WARS1: variants seen among roughly 807,000 people sequenced by gnomAD.
The protein encoded by WARS1 is tryptophanyl-tRNA synthetase 1, also known as tryptophan--tRNA ligase, cytoplasmic.
A neutral mutation model predicts 47.8 loss-of-function variants in WARS1; 17 were observed. The ratio of observed to expected loss-of-function variants is 0.36; its 90% CI spans 0.24 to 0.53. The LOEUF (loss-of-function observed/expected upper bound fraction) is 0.53, where lower values mean the gene tolerates loss of function less well. Ranked by LOEUF, WARS1 falls within the 20% of genes least tolerant of loss-of-function variation. The pLI, the probability that WARS1 is intolerant of heterozygous loss-of-function variation, is 0.91. For missense variants in WARS1, 434 were observed against 608.0 expected (o/e 0.71, Z 3.01); for synonymous variants, 208 against 228.1 (o/e 0.91, Z 0.79).
At chr14:100,368,338 C>T (rs993600741) in intron 2 of WARS1, 13 of 432,820 alleles carry the variant, frequency 3.0e-5, no homozygotes, top group South Asian at 2.1e-4. Flanking sequence ...ACGTCTATTT[C>T]CATGGTCATA....
At chr14:100,369,844 A>C (rs1896234707) in intron 1 of WARS1, among the ~76,000 whole-genome samples, 1 of 151,912 alleles carries the variant, frequency 6.6e-6, no homozygotes, top group African/African-American at 2.4e-5. Context: ...TTGTATTTTT[A>C]GTAGAGGGAG....
In WARS1 at chr14:100,334,835, T is replaced by C; in HGVS notation, c.*40A>G. The C allele has an allele frequency of 6.2e-7, 1 of 1,605,738 alleles. No homozygotes were observed. Among genetic ancestry groups the C allele is most frequent in the Non-Finnish European group, 8.5e-7 (1 of 1,174,474 alleles). On this transcript the variant is annotated 3_prime_UTR_variant, in exon 11 of 11. Transcript: ENST00000392882. ...TGGGCTGGGATTATTGATACATTAC[T>C]GATACATCACTTCTTTTATAAGCAT...
Position 100,344,207 on chromosome 14 carries a change from C to G in WARS1, c.827-820G>C, listed in dbSNP as rs893830478. Among the ~76,000 whole-genome samples, 12 of 152,228 alleles carry G rather than the reference C, an allele frequency of 7.9e-5. No homozygotes were observed. The South Asian group carries it at 8.3e-4, about 11-fold the overall frequency. On this transcript the variant is annotated intron_variant, in intron 7 of 10. Coordinates refer to ENST00000392882, the MANE Select transcript of WARS1 (RefSeq NM_004184.4). ...GCCTCATTCTCCTGCCTCAGCCTGC[C>G]GAGTGCCTGCAATTGCAGGCGCGCG...
intron 7 of WARS1, among the ~76,000 whole-genome samples, chr14:100,343,921 C>T (rs931442632): frequency 6.6e-6 from 1 of 152,210 alleles, no homozygotes; most frequent in Non-Finnish European, 1.5e-5. Context: ...GCGTGAGCCA[C>T]GGCGCCCGGC....
chr14:100,344,994 G>GA (rs1346173139), intron 7 of WARS1, among the ~76,000 whole-genome samples: 8 of 151,420 alleles, frequency 5.3e-5, no homozygotes, highest in Non-Finnish European at 1.2e-4. Flanking sequence ...GTCCGGGAGG[G>GA]AAGTGGGGGG....
At chr14:100,341,659 A>C (rs373585361) in intron 9 of WARS1, among the ~76,000 whole-genome samples, 16 of 152,362 alleles carry the variant, frequency 1.1e-4, no homozygotes, top group East Asian at 7.7e-4. Context: ...ATGCAAAATA[A>C]GGAAGCTCAA....
At chr14:100,353,617 T>C in intron 6 of WARS1, 70 bp downstream of exon 6, 1 of 1,545,566 alleles carries the variant, frequency 6.5e-7, no homozygotes, top group Non-Finnish European at 8.8e-7. Context: ...GTTTCGAATT[T>C]AGCTGTGGTC....
chr14:100,371,447 C>CAAAAAAAAAAAAAAA lies in WARS1; in HGVS notation c.-73-2204_-73-2190dup, dbSNP rs60977618. Among the ~76,000 whole-genome samples the CAAAAAAAAAAAAAAA allele has an allele frequency of 7.9e-4, 70 of 89,112 alleles. 1 individual carries two copies. The highest frequency in any genetic ancestry group is 1.6e-3 in the Non-Finnish European group (57 of 34,690). 58.5% of individuals were successfully genotyped at this position (89,112 alleles called of 152,430 possible). ...CCTGGGTGACAGAAAGGTTCTGTCTCAAAAAAAAAAAAAAAAAAAAGTAGG... is the reference window on the plus strand; with the variant it reads ...CCTGGGTGACAGAAAGGTTCTGTCTCAAAAAAAAAAAAAAAAAAAAAAAAAAAAAAAAAAAGTAGG... On this transcript the variant is annotated intron_variant, in intron 1 of 10. Transcript: ENST00000392882.
At chr14:100,344,207 C>T (rs893830478) in intron 7 of WARS1, among the ~76,000 whole-genome samples, 33 of 152,228 alleles carry the variant, frequency 2.2e-4, no homozygotes, top group African/African-American at 5.1e-4. Context: ...CTCAGCCTGC[C>T]GAGTGCCTGC....
At chr14:100,376,243 T>C (rs1896654326), upstream of WARS1, 1 of 468,810 alleles carries the variant, frequency 2.1e-6, no homozygotes, top group Admixed American at 4.8e-5. Flanking sequence ...CGCCCCGGCC[T>C]TACTCCCCTC....
chr14:100,372,641 A>T (rs1010774343), intron 1 of WARS1, among the ~76,000 whole-genome samples: 1 of 152,244 alleles, frequency 6.6e-6, no homozygotes, highest in Non-Finnish European at 1.5e-5. Flanking sequence ...TCCATATCAA[A>T]TAACGATCAA....
intron 2 of WARS1, among the ~76,000 whole-genome samples, chr14:100,362,594 T>C (rs572610048): frequency 6.6e-6 from 1 of 152,034 alleles, no homozygotes; most frequent in Non-Finnish European, 1.5e-5. Context: ...TTAAAGACTC[T>C]TTTGCAGGAG....
chr14:100,348,348 G>A (rs1894758609), intron 6 of WARS1, among the ~76,000 whole-genome samples: 1 of 150,858 alleles, frequency 6.6e-6, no homozygotes. Flanking sequence ...AACGGTCAAG[G>A]TCAGTGCCAA....
At chr14:100,376,289 G>T (rs1202367662), upstream of WARS1, 34 of 948,920 alleles carry the variant, frequency 3.6e-5, no homozygotes, top group Non-Finnish European at 4.5e-5. Context: ...CAGCGCTCCC[G>T]GCTCAGCAAC....
intron 6 of WARS1, among the ~76,000 whole-genome samples, chr14:100,352,264 A>G (rs1167540174): frequency 6.6e-6 from 1 of 151,416 alleles, no homozygotes; most frequent in Non-Finnish European, 1.5e-5. Context: ...GGAGCACGCC[A>G]CCACACCCGG....
chr14:100,359,776 TA>T (rs1231898114), intron 4 of WARS1, among the ~76,000 whole-genome samples: 1 of 152,216 alleles, frequency 6.6e-6, no homozygotes, highest in Admixed American at 6.5e-5. Flanking sequence ...TTTAAAAAAA[TA>T]AGTTTTATAG....
At chr14:100,365,723 ATCT>A (rs1005034263) in intron 2 of WARS1, 13 of 163,862 alleles carry the variant, frequency 7.9e-5, no homozygotes, top group African/African-American at 2.9e-4. Context: ...AAAAGCAGAG[ATCT>A]TCTTTTTTTT....
chr14:100,345,147 G>A (rs1014874047), intron 7 of WARS1, among the ~76,000 whole-genome samples: 4 of 150,292 alleles, frequency 2.7e-5, no homozygotes, highest in African/African-American at 4.9e-5. Flanking sequence ...CCCTCTGCCC[G>A]GCCACCACCC....
chr14:100,342,590 C>T lies in WARS1; in HGVS notation c.940-19G>A. 2 of 1,595,614 alleles carry T rather than the reference C, an allele frequency of 1.3e-6. No individual in the cohort carries two copies. Among genetic ancestry groups the T allele is most frequent in the South Asian group, 2.2e-5 (2 of 89,602 alleles). On this transcript the variant is annotated intron_variant, in intron 8 of 10. Transcript: ENST00000392882. ...AAGGATCCTGTGGGGAGAGTAAGGA[C>T]CCTGATGAGGGCGGCCAGAAAACAT...
Sources: allele counts gnomAD v4.1 joint callset (sites outside exome capture counted in the v4.1 genomes callset), GRCh38; gene constraint gnomAD v4.1.1; transcripts MANE v1.5; gene names NCBI Gene and HGNC (gene_info 2026-07-23, HGNC 2026-07-21).